Variants in UBE2F observed in about 807,000 individuals in gnomAD.
The protein encoded by UBE2F is ubiquitin conjugating enzyme E2 F (putative), also known as NEDD8-conjugating enzyme UBE2F.
A neutral mutation model predicts 29.6 loss-of-function variants in UBE2F; 5 were observed. The observed-to-expected ratio is 0.17, with a 90% CI of 0.09 to 0.36. UBE2F has a LOEUF of 0.36. Ranked by LOEUF, UBE2F falls within the 10% of genes least tolerant of loss-of-function variation. UBE2F has a pLI of 1.00. For synonymous variants in UBE2F, 66 were observed against 81.8 expected, an observed-to-expected ratio of 0.81 and a Z score of 1.04; for missense variants, 141 against 228.5, an observed-to-expected ratio of 0.62 and a Z score of 2.47.
At chr2:237,983,580 C>G (rs1350918005) in intron 2 of UBE2F, among the ~76,000 whole-genome samples, 1 of 152,186 alleles carries the variant, frequency 6.6e-6, no homozygotes, top group Non-Finnish European at 1.5e-5. Flanking sequence ...TTTCATTCCT[C>G]CACTCGGTGG....
rs372856752 is a variant in UBE2F at position 238,003,923 on chromosome 2, T to G, written c.214+9114T>G. Among the ~76,000 whole-genome samples, 20 of 152,282 alleles carry G rather than the reference T, an allele frequency of 1.3e-4. 1 individual carries two copies. The South Asian group carries it at 4.1e-3, about 32-fold the overall frequency. On this transcript the variant is annotated intron_variant, in intron 4 of 9. Transcript: ENST00000272930. ...ATCTGCTTTGTAGATCCCCTCTCCA[T>G]CCCCAGCCCCTGGCAATCATCGACC...
At chr2:238,027,048 C>T (rs2064449470) in intron 6 of UBE2F, among the ~76,000 whole-genome samples, 1 of 152,186 alleles carries the variant, frequency 6.6e-6, no homozygotes, top group Non-Finnish European at 1.5e-5. Context: ...CTGTCTTGTC[C>T]CTGCCTTAGT....
rs1285781861 is a variant in UBE2F at position 238,032,271 on chromosome 2, A to C, written c.444+17A>C. ...TTGTTTACTGTAAGTACAGTGATCAAAATCCCAAGTTATTCTCAATTTCCT... is the reference window on the plus strand; with the variant it reads ...TTGTTTACTGTAAGTACAGTGATCACAATCCCAAGTTATTCTCAATTTCCT... On this transcript the variant is annotated intron_variant, in intron 8 of 9. Coordinates refer to ENST00000272930, the MANE Select transcript of UBE2F (RefSeq NM_080678.3). 2 of 1,601,722 alleles carry C rather than the reference A, an allele frequency of 1.2e-6. No individual in the cohort carries two copies. Among genetic ancestry groups the C allele is most frequent in the Non-Finnish European group, 8.5e-7 (1 of 1,169,646 alleles).
intron 4 of UBE2F, among the ~76,000 whole-genome samples, chr2:237,999,765 G>A (rs1299125264): frequency 1.3e-5 from 2 of 151,184 alleles, no homozygotes; most frequent in Admixed American, 6.6e-5. Context: ...AATTGTCGTA[G>A]CTTTATATAG....
At chr2:237,969,910 G>A (rs1270082779) in intron 1 of UBE2F, among the ~76,000 whole-genome samples, 1 of 152,222 alleles carries the variant, frequency 6.6e-6, no homozygotes, top group Non-Finnish European at 1.5e-5. Context: ...CTTATGGAGG[G>A]CCACCTGAGG....
chr2:238,033,315 A>G (rs1424859902), intron 8 of UBE2F, among the ~76,000 whole-genome samples: 1 of 152,154 alleles, frequency 6.6e-6, no homozygotes, highest in Non-Finnish European at 1.5e-5. Context: ...TTTTTATACG[A>G]TATTATACGT....
intron 5 of UBE2F, among the ~76,000 whole-genome samples, chr2:238,023,926 G>C (rs2064353952): frequency 6.6e-6 from 1 of 152,136 alleles, no homozygotes; most frequent in African/African-American, 2.4e-5. Context: ...TTTCACCCAG[G>C]ATGAACCCTG....
chr2:238,034,643 T>A (rs1210474804), intron 8 of UBE2F, among the ~76,000 whole-genome samples: 1 of 152,216 alleles, frequency 6.6e-6, no homozygotes, highest in Non-Finnish European at 1.5e-5. Context: ...ATGTACTTTA[T>A]ATTTTTGCCT....
At chr2:237,996,322 T>C (rs2063691472) in intron 4 of UBE2F, among the ~76,000 whole-genome samples, 1 of 152,208 alleles carries the variant, frequency 6.6e-6, no homozygotes, top group African/African-American at 2.4e-5. Flanking sequence ...TTTCAATGGC[T>C]ATCAGGGATT....
At chr2:237,974,944 C>T (rs573295538) in intron 2 of UBE2F, among the ~76,000 whole-genome samples, 29 of 146,526 alleles carry the variant, frequency 2.0e-4, no homozygotes, top group Non-Finnish European at 3.7e-4. Flanking sequence ...CCACTGTGCC[C>T]GGCCATAAAT....
At chr2:237,976,331 GACAA>G (rs1165159835) in intron 2 of UBE2F, among the ~76,000 whole-genome samples, 2 of 152,210 alleles carry the variant, frequency 1.3e-5, no homozygotes, top group South Asian at 2.1e-4. Context: ...GGTAGAAGCT[GACAA>G]ACAGACTGTC....
At chr2:237,983,591 T>C (rs926512774) in intron 2 of UBE2F, among the ~76,000 whole-genome samples, 2 of 152,154 alleles carry the variant, frequency 1.3e-5, no homozygotes, top group African/African-American at 4.8e-5. Context: ...CACTCGGTGG[T>C]CAGCTTTGTG....
chr2:237,987,416 G>T (rs915864608), intron 2 of UBE2F, among the ~76,000 whole-genome samples: 2 of 152,190 alleles, frequency 1.3e-5, no homozygotes, highest in Non-Finnish European at 2.9e-5. Context: ...TTGAATAGAA[G>T]TGGTGAGCAG....
chr2:237,986,967 T>C (rs979480635), intron 2 of UBE2F, among the ~76,000 whole-genome samples: 1 of 152,238 alleles, frequency 6.6e-6, no homozygotes, highest in African/African-American at 2.4e-5. Context: ...GCTTTGGTTT[T>C]TCGGGGTGTT....
At chr2:238,019,965 TC>T (rs1483172497) in intron 5 of UBE2F, among the ~76,000 whole-genome samples, 1 of 152,124 alleles carries the variant, frequency 6.6e-6, no homozygotes, top group African/African-American at 2.4e-5. Flanking sequence ...AGCCTCCTGT[TC>T]CCTTCTCTTG....
chr2:237,971,746 T>G (rs933260825), intron 1 of UBE2F, among the ~76,000 whole-genome samples: 2 of 4,028 alleles, frequency 5.0e-4, no homozygotes, highest in African/African-American at 9.3e-4. Context: ...ATAGTTACTT[T>G]GTTACAATTA....
At chr2:237,991,431 G>GT (rs1455420051) in intron 3 of UBE2F, among the ~76,000 whole-genome samples, 1 of 151,970 alleles carries the variant, frequency 6.6e-6, no homozygotes, top group East Asian at 1.9e-4. Context: ...GTTTTTAGCG[G>GT]TTTCTCTGCA....
Position 237,982,160 on chromosome 2 carries a change from C to T in UBE2F, c.119-5803C>T, listed in dbSNP as rs896247707. ...AATGTCAAACCAGCAAAACACTCCCCGAGTGGCGAATGTGCAGCCAGGGCT... is the reference window on the plus strand; with the variant it reads ...AATGTCAAACCAGCAAAACACTCCCTGAGTGGCGAATGTGCAGCCAGGGCT... On this transcript the variant is annotated intron_variant, in intron 2 of 9. Coordinates refer to ENST00000272930, the MANE Select transcript of UBE2F (RefSeq NM_080678.3). The surrounding 1 kb of genome is among the most constrained non-coding windows in gnomAD (Gnocchi z 4.1). 6.6e-6 allele frequency among the ~76,000 whole-genome samples: 1 copy of T among 152,164 alleles called. No individual in the cohort carries two copies. The highest frequency in any genetic ancestry group is 2.4e-5 in the African/African-American group (1 of 41,450).
intron 4 of UBE2F, among the ~76,000 whole-genome samples, chr2:238,014,533 C>T (rs2064112056): frequency 6.6e-6 from 1 of 152,212 alleles, no homozygotes; most frequent in South Asian, 2.1e-4. Flanking sequence ...AATCCATGAA[C>T]TGGAAAGCCA....
Sources: gnomAD v4.1 joint callset for allele counts (sites outside exome capture counted in the v4.1 genomes callset) on GRCh38, gnomAD v4.1.1 for gene constraint, Gnocchi (gnomAD v3.1) non-coding constraint, MANE v1.5 for transcripts, NCBI Gene and HGNC (gene_info 2026-07-23, HGNC 2026-07-21) for gene names.